Variants in ZNF423 observed in about 807,000 individuals in gnomAD.
The protein encoded by ZNF423 is zinc finger protein 423, also known as Ebf-associated zinc finger protein.
A neutral mutation model predicts 95.8 loss-of-function variants in ZNF423; 12 were observed. The observed-to-expected ratio is 0.13, with a 90% CI of 0.08 to 0.20. The LOEUF (loss-of-function observed/expected upper bound fraction) is 0.20. Ranked by LOEUF, ZNF423 falls within the 10% of genes least tolerant of loss-of-function variation. The pLI, the probability that ZNF423 is intolerant of heterozygous loss-of-function variation, is 1.00. For missense variants in ZNF423, 1,316 were observed against 1,737.1 expected, an observed-to-expected ratio of 0.76 and a Z score of 4.31; for synonymous variants, 749 against 711.9, an observed-to-expected ratio of 1.05 and a Z score of -0.83.
chr16:49,760,895 C>T (rs11641752), intron 2 of ZNF423, among the ~76,000 whole-genome samples: 2 of 145,378 alleles, frequency 1.4e-5, no homozygotes, highest in South Asian at 2.2e-4. Flanking sequence ...CCTGCCATGC[C>T]GTCACCACCA....
intron 2 of ZNF423, among the ~76,000 whole-genome samples, chr16:49,746,363 C>T (rs1171740215): frequency 2.0e-5 from 3 of 152,020 alleles, no homozygotes; most frequent in African/African-American, 4.8e-5. Context: ...AGCTTCCCCA[C>T]CTCAAAAGAG....
At chr16:49,675,567 C>T (rs570802315) in intron 3 of ZNF423, among the ~76,000 whole-genome samples, 7 of 152,136 alleles carry the variant, frequency 4.6e-5, no homozygotes, top group Non-Finnish European at 1.0e-4. Context: ...CACCCCACCC[C>T]CCTCCAGCTG....
At position 49,624,420 on chromosome 16, in the gene ZNF423, C is replaced by T. The variant is rs150428061; in HGVS notation, c.3601+1750G>A. Among the ~76,000 whole-genome samples the T allele has an allele frequency of 8.0e-3, 1,214 of 152,150 alleles. 19 individuals are homozygous for T. Among genetic ancestry groups the T allele is most frequent in the African/African-American group, 0.027 (1,113 of 41,498 alleles). On this transcript the variant is annotated intron_variant, in intron 5 of 7. Coordinates refer to ENST00000563137, the MANE Select transcript of ZNF423 (RefSeq NM_001379286.1). ...ACAAAAAAATTAGCCAGGGGAGATGCTGCATGCCTGTAGTACCAGCTGCCT... is the reference window on the plus strand; with the variant it reads ...ACAAAAAAATTAGCCAGGGGAGATGTTGCATGCCTGTAGTACCAGCTGCCT...
intron 5 of ZNF423, among the ~76,000 whole-genome samples, chr16:49,614,159 T>C (rs1223903832): frequency 6.6e-6 from 1 of 152,194 alleles, no homozygotes; most frequent in Admixed American, 6.5e-5. Flanking sequence ...GAACATTTCA[T>C]CAAAGAGGAA....
chr16:49,561,514 T>A (rs1970015733), intron 5 of ZNF423, among the ~76,000 whole-genome samples: 1 of 152,226 alleles, frequency 6.6e-6, no homozygotes, highest in Non-Finnish European at 1.5e-5. Context: ...GAAAGCAATA[T>A]GAAAACCATG....
At chr16:49,499,105 T>C (rs1296193619) in intron 7 of ZNF423, among the ~76,000 whole-genome samples, 1 of 152,154 alleles carries the variant, frequency 6.6e-6, no homozygotes, top group African/African-American at 2.4e-5. Context: ...GAGGTTTGCC[T>C]CATTTACGCA....
intron 5 of ZNF423, among the ~76,000 whole-genome samples, chr16:49,559,916 C>T (rs1201866541): frequency 1.3e-5 from 2 of 152,190 alleles, no homozygotes; most frequent in African/African-American, 4.8e-5. Flanking sequence ...TTACCCAGCA[C>T]ACATCTATGA....
chr16:49,758,110 C>A (rs1196295945), intron 2 of ZNF423, among the ~76,000 whole-genome samples: 9 of 152,196 alleles, frequency 5.9e-5, no homozygotes, highest in African/African-American at 1.9e-4. Context: ...AGCCTAATCA[C>A]CAGAAGCTTC....
intron 3 of ZNF423, among the ~76,000 whole-genome samples, chr16:49,691,102 C>A (rs545750043): frequency 6.6e-4 from 101 of 152,258 alleles, no homozygotes; most frequent in African/African-American, 2.4e-3. Context: ...AAGAATCAGC[C>A]GACCAGGGCA....
chr16:49,809,543 C>G (rs776144153), intron 1 of ZNF423, among the ~76,000 whole-genome samples: 2 of 152,192 alleles, frequency 1.3e-5, no homozygotes, highest in Non-Finnish European at 2.9e-5. Context: ...CTGGAACCCC[C>G]AAGAAGGCGA....
chr16:49,832,253 C>G (rs2035068554), intron 1 of ZNF423, among the ~76,000 whole-genome samples: 1 of 152,180 alleles, frequency 6.6e-6, no homozygotes, highest in South Asian at 2.1e-4. Context: ...CAAAATCGGG[C>G]CAAGCCAGCT....
intron 5 of ZNF423, among the ~76,000 whole-genome samples, chr16:49,578,897 G>A (rs1294281574): frequency 6.6e-6 from 1 of 152,224 alleles, no homozygotes; most frequent in African/African-American, 2.4e-5. Flanking sequence ...ATGCGCTAGT[G>A]TTAAAATATT....
intron 6 of ZNF423, among the ~76,000 whole-genome samples, chr16:49,524,377 C>T (rs1968521353): frequency 6.6e-6 from 1 of 152,220 alleles, no homozygotes; most frequent in Non-Finnish European, 1.5e-5. Context: ...CACAGAGGCC[C>T]CCATGTCCTG....
At chr16:49,690,481 C>T (rs1237121367) in intron 3 of ZNF423, among the ~76,000 whole-genome samples, 1 of 152,240 alleles carries the variant, frequency 6.6e-6, no homozygotes, top group African/African-American at 2.4e-5. Flanking sequence ...AAGATCGTGC[C>T]ACTGCACTTC....
At chr16:49,786,912 A>C (rs2034323374) in intron 2 of ZNF423, among the ~76,000 whole-genome samples, 1 of 152,214 alleles carries the variant, frequency 6.6e-6, no homozygotes, top group Non-Finnish European at 1.5e-5. Context: ...CAGTTTAATG[A>C]AAAGTATTAG....
chr16:49,816,859 C>A (rs2034864089), intron 1 of ZNF423, among the ~76,000 whole-genome samples: 1 of 152,046 alleles, frequency 6.6e-6, no homozygotes, highest in African/African-American at 2.4e-5. Flanking sequence ...TGCTTCAGTC[C>A]TGGAAAAACA....
At chr16:49,665,666 A>G (rs969986695) in intron 3 of ZNF423, among the ~76,000 whole-genome samples, 4 of 152,076 alleles carry the variant, frequency 2.6e-5, no homozygotes, top group African/African-American at 9.7e-5. Context: ...CAGCCCTGGT[A>G]GCACCGCCCC....
chr16:49,594,168 G>A (rs1318897102), intron 5 of ZNF423, among the ~76,000 whole-genome samples: 3 of 152,122 alleles, frequency 2.0e-5, no homozygotes, highest in African/African-American at 2.4e-5. Flanking sequence ...AGCAGTAAAT[G>A]TTCCCTTCCA....
chr16:49,626,067 ACT>A, intron 5 of ZNF423, 101 bp downstream of exon 5: 4 of 1,120,992 alleles, frequency 3.6e-6, no homozygotes, highest in Non-Finnish European at 5.4e-6. Flanking sequence ...AGCAGCAGTG[ACT>A]CTGTCCTTTG....
Sources: allele counts gnomAD v4.1 joint callset (sites outside exome capture counted in the v4.1 genomes callset), GRCh38; gene constraint gnomAD v4.1.1; transcripts MANE v1.5; gene names NCBI Gene and HGNC (gene_info 2026-07-23, HGNC 2026-07-21).